Variants in RIMS2 observed in about 807,000 individuals in gnomAD.
The protein encoded by RIMS2 is regulating synaptic membrane exocytosis 2, also known as regulating synaptic membrane exocytosis protein 2.
In RIMS2, 59 loss-of-function variants were observed where a neutral mutation model predicts 174.4. That is an observed-to-expected ratio of 0.34 (90% CI 0.27 to 0.42). RIMS2 has a LOEUF of 0.42. Among genes scored for constraint, RIMS2 ranks in the 10% least tolerant of loss-of-function variants. RIMS2 has a pLI of 1.00. For synonymous variants in RIMS2, 606 were observed against 572.5 expected (o/e 1.06, Z -0.84); for missense variants, 1,620 against 1,666.3 (o/e 0.97, Z 0.48).
intron 19 of RIMS2, among the ~76,000 whole-genome samples, chr8:104,100,837 A>T (rs1037497149): frequency 1.4e-4 from 20 of 140,062 alleles, no homozygotes; most frequent in African/African-American, 4.7e-4. Flanking sequence ...GTAATATATA[A>T]TATATATGTA....
intron 19 of RIMS2, among the ~76,000 whole-genome samples, chr8:104,060,943 T>C (rs1489555498): frequency 1.3e-5 from 2 of 152,174 alleles, no homozygotes; most frequent in Non-Finnish European, 2.9e-5. Context: ...GACAGTTTGT[T>C]ATAATCTCTG....
chr8:104,187,207 T>C (rs573131220), intron 19 of RIMS2, among the ~76,000 whole-genome samples: 7 of 151,944 alleles, frequency 4.6e-5, no homozygotes, highest in African/African-American at 1.7e-4. Flanking sequence ...AGGCAAACTC[T>C]TTGTAGAAAT....
At chr8:104,006,070 A>T (rs2095564424) in intron 17 of RIMS2, among the ~76,000 whole-genome samples, 1 of 152,012 alleles carries the variant, frequency 6.6e-6, no homozygotes, top group South Asian at 2.1e-4. Context: ...ATTACAAATC[A>T]TCTTCTGTCC....
chr8:104,085,204 C>G (rs2097515139), intron 19 of RIMS2, among the ~76,000 whole-genome samples: 1 of 152,204 alleles, frequency 6.6e-6, no homozygotes, highest in Non-Finnish European at 1.5e-5. Context: ...AGGGCTGGTA[C>G]TATTATGTAA....
intron 16 of RIMS2, chr8:103,976,738 G>A (rs2093476181): frequency 6.6e-6 from 1 of 151,878 alleles, no homozygotes; most frequent in Admixed American, 6.6e-5. Flanking sequence ...AGTAGAGACG[G>A]GGTTTCACCA....
At chr8:103,767,598 T>A (rs531334548) in intron 3 of RIMS2, among the ~76,000 whole-genome samples, 1 of 152,222 alleles carries the variant, frequency 6.6e-6, no homozygotes, top group Non-Finnish European at 1.5e-5. Context: ...AAGTACAAAG[T>A]CATGCATTCC....
intron 1 of RIMS2, among the ~76,000 whole-genome samples, chr8:103,679,725 T>A (rs901710022): frequency 6.6e-6 from 1 of 151,992 alleles, no homozygotes; most frequent in Admixed American, 6.6e-5. Context: ...AAAATTTAGA[T>A]ACAATAACTT....
chr8:104,232,094 G>A (rs1427058484), intron 19 of RIMS2, among the ~76,000 whole-genome samples: 1 of 152,056 alleles, frequency 6.6e-6, no homozygotes, highest in East Asian at 1.9e-4. Context: ...TCATATAGTT[G>A]GGAATTATGT....
chr8:104,172,354 T>A (rs954065543), intron 19 of RIMS2, among the ~76,000 whole-genome samples: 5 of 151,996 alleles, frequency 3.3e-5, no homozygotes, highest in Non-Finnish European at 7.4e-5. Context: ...AAATGGGAGG[T>A]ACCAACTGTA....
At chr8:104,160,044 C>T (rs369476068) in intron 19 of RIMS2, among the ~76,000 whole-genome samples, 100 of 151,654 alleles carry the variant, frequency 6.6e-4, no homozygotes, top group East Asian at 6.4e-3. Context: ...GAGGCTGAGG[C>T]GGGAGGATTA....
chr8:103,529,333 C>A (rs926597964), intron 1 of RIMS2, among the ~76,000 whole-genome samples: 2 of 152,160 alleles, frequency 1.3e-5, no homozygotes, highest in Non-Finnish European at 2.9e-5. Flanking sequence ...ATGGCGGGTG[C>A]CCCTCCCCCA....
At chr8:104,083,031 G>T (rs1315134088) in intron 19 of RIMS2, among the ~76,000 whole-genome samples, 2 of 152,070 alleles carry the variant, frequency 1.3e-5, no homozygotes, top group Admixed American at 6.5e-5. Context: ...TTGACTGTTG[G>T]CTCCATCCCA....
rs139175133 is a variant in RIMS2 at position 103,949,650 on chromosome 8, G to A, written c.2701+6724G>A. Reference sequence around the variant, plus strand: ...GATACAACTAAAGCAGAACAGTAGGGAAATGTATAGCATTAAAGACTTATA... The same window carrying A: ...GATACAACTAAAGCAGAACAGTAGGAAAATGTATAGCATTAAAGACTTATA... On this transcript the variant is annotated intron_variant, in intron 14 of 23. Transcript: ENST00000504942. 7.8e-3 allele frequency among the ~76,000 whole-genome samples: 1,185 copies of A among 152,172 alleles called. 18 individuals are homozygous for A. Among genetic ancestry groups the A allele is most frequent in the African/African-American group, 0.026 (1,080 of 41,532 alleles).
chr8:103,551,567 C>G (rs1373769727), intron 1 of RIMS2, among the ~76,000 whole-genome samples: 1 of 152,120 alleles, frequency 6.6e-6, no homozygotes, highest in Non-Finnish European at 1.5e-5. Context: ...TCTCACCACT[C>G]CTATTCAGCA....
chr8:103,899,622 CT>C (rs1028267281), intron 4 of RIMS2, among the ~76,000 whole-genome samples: 1 of 151,348 alleles, frequency 6.6e-6, no homozygotes, highest in Non-Finnish European at 1.5e-5. Flanking sequence ...GATATTAGCC[CT>C]TTGTCGTATG....
intron 19 of RIMS2, among the ~76,000 whole-genome samples, chr8:104,205,916 C>T (rs564387346): frequency 4.6e-5 from 7 of 152,070 alleles, no homozygotes; most frequent in East Asian, 3.9e-4. Flanking sequence ...CCATCACGCC[C>T]GGCTGATTTT....
At chr8:103,595,685 T>C (rs1197267468) in intron 1 of RIMS2, among the ~76,000 whole-genome samples, 1 of 151,944 alleles carries the variant, frequency 6.6e-6, no homozygotes, top group Non-Finnish European at 1.5e-5. Context: ...TACTTAGCAG[T>C]TGGGTCAGTC....
At chr8:104,142,536 A>G (rs1289461125) in intron 19 of RIMS2, among the ~76,000 whole-genome samples, 1 of 152,176 alleles carries the variant, frequency 6.6e-6, no homozygotes, top group Admixed American at 6.5e-5. Flanking sequence ...AGAAATCTTT[A>G]ATATATTGGA....
intron 1 of RIMS2, among the ~76,000 whole-genome samples, chr8:103,570,378 T>A (rs554940655): frequency 6.6e-6 from 1 of 152,334 alleles, no homozygotes; most frequent in Non-Finnish European, 1.5e-5. Flanking sequence ...ATTTATTCAT[T>A]ATCAAAAGGC....
Sources: allele counts gnomAD v4.1 joint callset (sites outside exome capture counted in the v4.1 genomes callset), GRCh38; gene constraint gnomAD v4.1.1; transcripts MANE v1.5; gene names NCBI Gene and HGNC (gene_info 2026-07-23, HGNC 2026-07-21).